The following EEF2K variants were observed in gnomAD, a reference collection of about 807,000 sequenced individuals.
The protein encoded by EEF2K is eukaryotic elongation factor 2 kinase, also known as alternative protein EEF2K.
In EEF2K, 70 loss-of-function variants were observed where a neutral mutation model predicts 93.8. That is an observed-to-expected ratio of 0.75 (90% CI 0.62 to 0.91). The LOEUF (loss-of-function observed/expected upper bound fraction) is 0.91. Among genes scored for constraint, EEF2K ranks in the 40% least tolerant of loss-of-function variants. EEF2K has a pLI of 0.00. For missense variants in EEF2K, 935 were observed against 972.9 expected (o/e 0.96, Z 0.52); for synonymous variants, 376 against 380.8 (o/e 0.99, Z 0.15).
intron 2 of EEF2K, among the ~76,000 whole-genome samples, chr16:22,230,324 G>A (rs1356027510): frequency 6.6e-6 from 1 of 150,616 alleles, no homozygotes; most frequent in East Asian, 2.0e-4. Context: ...AGTGATTCTT[G>A]TGCCTCAGCC....
At chr16:22,234,196 T>C (rs769552651) in intron 2 of EEF2K, among the ~76,000 whole-genome samples, 11 of 152,188 alleles carry the variant, frequency 7.2e-5, no homozygotes, top group Non-Finnish European at 1.2e-4. Flanking sequence ...GTGCCCCCCA[T>C]GATGGGTGGG....
intron 1 of EEF2K, among the ~76,000 whole-genome samples, chr16:22,220,598 C>T (rs928300022): frequency 2.6e-5 from 4 of 152,194 alleles, no homozygotes; most frequent in African/African-American, 9.6e-5. Context: ...CACACACCAC[C>T]ACGCCCGGCT....
intron 2 of EEF2K, among the ~76,000 whole-genome samples, chr16:22,228,631 A>G (rs1567265332): frequency 6.6e-6 from 1 of 152,254 alleles, no homozygotes; most frequent in Non-Finnish European, 1.5e-5. Flanking sequence ...GCTTGCTTAT[A>G]TGTCGTTTGA....
intron 12 of EEF2K, among the ~76,000 whole-genome samples, chr16:22,263,693 G>A (rs1203138255): frequency 6.6e-6 from 1 of 152,240 alleles, no homozygotes. Flanking sequence ...AACGGGGCAA[G>A]TGTGGAGGCT....
rs2047432220 is a variant in EEF2K at position 22,258,627 on chromosome 16, T to G, written c.1163T>G (p.Val388Gly). 6.2e-7 allele frequency: 1 copy of G among 1,614,166 alleles called. No homozygotes were observed. The highest frequency in any genetic ancestry group is 1.7e-5 in the Admixed American group (1 of 60,008). Residue 388 changes from valine (V) to glycine (G), a missense_variant, in exon 10 of 18, where the codon GTG becomes GGG. Coordinates refer to ENST00000263026, the MANE Select transcript of EEF2K (RefSeq NM_013302.5). Reference protein sequence around the residue: ...ENSGDENMSDVTFDSLPSSPS... With the variant: ...ENSGDENMSDGTFDSLPSSPS... Reference sequence around the variant, plus strand: ...TCTGGAGACGAGAACATGAGCGACGTGACCTTCGACTCTCTCCCTTCTTCC... The same window carrying G: ...TCTGGAGACGAGAACATGAGCGACGGGACCTTCGACTCTCTCCCTTCTTCC...
intron 1 of EEF2K, among the ~76,000 whole-genome samples, chr16:22,212,058 C>T (rs1567256437): frequency 2.0e-5 from 3 of 152,036 alleles, no homozygotes; most frequent in Admixed American, 6.6e-5. Context: ...AGAGAGTGCC[C>T]AGCAAGTGAT....
intron 1 of EEF2K, among the ~76,000 whole-genome samples, chr16:22,209,469 G>A (rs965413042): frequency 1.3e-5 from 2 of 152,184 alleles, no homozygotes; most frequent in Non-Finnish European, 2.9e-5. Context: ...CAGAAGCTTG[G>A]ACTTGTTCAA....
Position 22,249,073 on chromosome 16 carries a change from C to T in EEF2K, c.408+258C>T, listed in dbSNP as rs1446321735. 5.3e-5 allele frequency among the ~76,000 whole-genome samples: 8 copies of T among 150,986 alleles called. No homozygotes were observed. In the East Asian group the frequency reaches 1.6e-3, roughly 29 times the overall value. On this transcript the variant is annotated intron_variant, in intron 4 of 17. Transcript: ENST00000263026. Reference sequence around the variant, plus strand: ...CAGCCTTGACCTCCTGGTCTCAAGCCATCCTCTCACCTTAGCCTCCCAAGT... The same window carrying T: ...CAGCCTTGACCTCCTGGTCTCAAGCTATCCTCTCACCTTAGCCTCCCAAGT...
At position 22,248,748 on chromosome 16, in the gene EEF2K, T is replaced by G. The variant is rs1004661967; in HGVS notation, c.348-7T>G. The G allele has an allele frequency of 1.2e-6, 2 of 1,613,748 alleles. No homozygotes were observed. Among genetic ancestry groups the G allele is most frequent in the Non-Finnish European group, 1.7e-6 (2 of 1,179,880 alleles). On this transcript the variant is annotated splice_region_variant and splice_polypyrimidine_tract_variant and intron_variant, in intron 3 of 17. Coordinates refer to ENST00000263026, the MANE Select transcript of EEF2K (RefSeq NM_013302.5). The stretch of plus-strand genomic sequence containing the variant: ...CGCTGTGCCCCATGGTGGATGGGTC[T>G]CTGCAGGTACAACGCCGTCACCGGG...
intron 12 of EEF2K, among the ~76,000 whole-genome samples, chr16:22,263,753 C>A (rs1243908640): frequency 6.6e-6 from 1 of 152,092 alleles, no homozygotes; most frequent in East Asian, 1.9e-4. Context: ...AAGTGGGAGT[C>A]CTGGGCTGCT....
At chr16:22,237,991 G>A (rs1186814238) in intron 2 of EEF2K, among the ~76,000 whole-genome samples, 1 of 151,980 alleles carries the variant, frequency 6.6e-6, no homozygotes, top group East Asian at 1.9e-4. Context: ...TAAACAATAG[G>A]TCTTAGAAAT....
Position 22,280,179 on chromosome 16 carries a change from C to A in EEF2K, c.1890-19C>A. On this transcript the variant is annotated intron_variant, in intron 16 of 17. Transcript: ENST00000263026. ...TTGCCATGGTAACCTCCACCTTTCCCTCTGTATCTCCTGGCAAGGTGCCAA... is the reference window on the plus strand; with the variant it reads ...TTGCCATGGTAACCTCCACCTTTCCATCTGTATCTCCTGGCAAGGTGCCAA... 1 of 1,452,802 alleles carries A rather than the reference C, an allele frequency of 6.9e-7. No individual in the cohort carries two copies. Among genetic ancestry groups the A allele is most frequent in the Non-Finnish European group, 9.1e-7 (1 of 1,095,146 alleles). The allele number at this position is 1,452,802 out of a possible 1,614,324, so 90.0% of individuals were successfully genotyped here.
chr16:22,274,071 C>A (rs2047611319), intron 16 of EEF2K, among the ~76,000 whole-genome samples: 1 of 152,132 alleles, frequency 6.6e-6, no homozygotes, highest in Non-Finnish European at 1.5e-5. Context: ...TTTGGGAGGC[C>A]AAGGCGGGCA....
rs369303326 is a variant in EEF2K at position 22,241,516 on chromosome 16, A to C, written c.247-3114A>C. On this transcript the variant is annotated intron_variant, in intron 2 of 17. Coordinates refer to ENST00000263026, the MANE Select transcript of EEF2K (RefSeq NM_013302.5). ...AAAAATTAGCCAGGCATGTTGGCTC[A>C]CGCCTGTAATCCCAGCTACTCAGGA... Among the ~76,000 whole-genome samples the C allele has an allele frequency of 3.8e-4, 58 of 151,654 alleles. No individual in the cohort carries two copies. In the East Asian group the frequency reaches 7.0e-3, roughly 18 times the overall value.
At chr16:22,221,944 C>T (rs1244139221) in intron 1 of EEF2K, among the ~76,000 whole-genome samples, 2 of 151,912 alleles carry the variant, frequency 1.3e-5, no homozygotes, top group Non-Finnish European at 2.9e-5. Flanking sequence ...GTGGTGGGCT[C>T]CTGTAATCCC....
intron 2 of EEF2K, among the ~76,000 whole-genome samples, chr16:22,234,929 G>A (rs1410295153): frequency 2.3e-5 from 3 of 132,466 alleles, no homozygotes; most frequent in Non-Finnish European, 4.6e-5. Flanking sequence ...TGCCCCTGCT[G>A]GAGTGCAGTG....
rs953743959 is a variant in EEF2K, at chr16:22,250,619, T to C, written c.409-35T>C. 3.1e-6 allele frequency: 5 copies of C among 1,614,090 alleles called. No homozygotes were observed. The South Asian group carries it at 5.5e-5, about 18-fold the overall frequency. On this transcript the variant is annotated intron_variant, in intron 4 of 17. Coordinates refer to ENST00000263026, the MANE Select transcript of EEF2K (RefSeq NM_013302.5). The stretch of plus-strand genomic sequence containing the variant: ...CTTAGGGTCCCTTTTGGGTGGGGCA[T>C]GGGGACTGATAACACTCTGTGTGGT...
chr16:22,258,722 CTG>C, intron 10 of EEF2K, 27 bp downstream of exon 10: 1 of 1,613,686 alleles, frequency 6.2e-7, no homozygotes, highest in Non-Finnish European at 8.5e-7. Flanking sequence ...TCCCTAGTCA[CTG>C]TGATTGGAGG....
chr16:22,259,925 G>C (rs1251444851), intron 10 of EEF2K, among the ~76,000 whole-genome samples: 1 of 151,996 alleles, frequency 6.6e-6, no homozygotes, highest in Non-Finnish European at 1.5e-5. Context: ...GCTAATTTTT[G>C]TATTTTTAAT....
Sources: allele counts gnomAD v4.1 joint callset (sites outside exome capture counted in the v4.1 genomes callset), GRCh38; gene constraint gnomAD v4.1.1; transcripts MANE v1.5; gene names NCBI Gene and HGNC (gene_info 2026-07-23, HGNC 2026-07-21).